The following CAMK2B variants were observed in gnomAD, a reference collection of about 807,000 sequenced individuals.
CAMK2B encodes the protein calcium/calmodulin dependent protein kinase II beta, also known as calcium/calmodulin-dependent protein kinase type II subunit beta.
In CAMK2B, 27 loss-of-function variants were observed where a neutral mutation model predicts 93.7. The ratio of observed to expected loss-of-function variants is 0.29; its 90% confidence interval spans 0.21 to 0.40. The LOEUF is 0.40. Ranked by LOEUF, CAMK2B falls within the 10% of genes least tolerant of loss-of-function variation. The pLI is 1.00. For synonymous variants in CAMK2B, 374 were observed against 358.8 expected, an observed-to-expected ratio of 1.04 and a Z score of -0.48; for missense variants, 568 against 895.8, an observed-to-expected ratio of 0.63 and a Z score of 4.67.
chr7:44,229,300 A>AGCC, intron 18 of CAMK2B, 88 bp downstream of exon 18: 3 of 853,892 alleles, frequency 3.5e-6, no homozygotes, highest in Non-Finnish European at 5.4e-6. Flanking sequence ...GTCCACGCTC[A>AGCC]GCCTGCCCTC....
intron 2 of CAMK2B, among the ~76,000 whole-genome samples, chr7:44,273,048 C>T (rs1027736052): frequency 6.6e-6 from 1 of 152,216 alleles, no homozygotes; most frequent in Non-Finnish European, 1.5e-5. Flanking sequence ...AGCTTCATGT[C>T]CCCCACCGGA....
chr7:44,226,544 CG>C lies in CAMK2B; in HGVS notation c.1568del (p.Pro523ArgfsTer43). ...GGGTGGGCAGGGGGCCAGGGATAGT[CG>C]GAGATGGGCAGGGCGGGGGCCCCAC... ...SPVGPPPCPS[P>X]TIPGPLPTPS... On this transcript the variant is annotated frameshift_variant, in exon 20 of 24. Transcript: ENST00000395749. LOFTEE classifies it high-confidence loss of function. 2 of 1,471,188 alleles carry C rather than the reference CG, an allele frequency of 1.4e-6. No homozygotes were observed. Among genetic ancestry groups the C allele is most frequent in the Non-Finnish European group, 1.8e-6 (2 of 1,115,036 alleles). The allele number at this position is 1,471,188 out of a possible 1,614,324, so 91.1% of individuals were successfully genotyped here. A position where few individuals can be genotyped will look rare whatever the true frequency, so the allele number is the denominator to read the frequency against.
intron 1 of CAMK2B, among the ~76,000 whole-genome samples, chr7:44,302,825 T>A (rs748186757): frequency 2.6e-5 from 4 of 152,208 alleles, no homozygotes; most frequent in Non-Finnish European, 5.9e-5. Flanking sequence ...AGAAACTGGA[T>A]ACTTTCCACT....
At chr7:44,268,099 C>T (rs888904983) in intron 2 of CAMK2B, 1 of 152,360 alleles carries the variant, frequency 6.6e-6, no homozygotes, top group Non-Finnish European at 1.5e-5. Flanking sequence ...CCAGCCGAGC[C>T]CTGCACAGCC....
chr7:44,234,475 G>A lies in CAMK2B; in HGVS notation c.1060-14C>T, dbSNP rs775928366. Reference sequence around the variant, plus strand: ...ATTCGTCTGGGGCTGTGGAGAGAGGGAAGAGGAACTCTTAGGTGGGAGAAG... The same window carrying A: ...ATTCGTCTGGGGCTGTGGAGAGAGGAAAGAGGAACTCTTAGGTGGGAGAAG... On this transcript the variant is annotated splice_polypyrimidine_tract_variant and intron_variant, in intron 14 of 23. Transcript: ENST00000395749. 27 of 1,574,872 alleles carry A rather than the reference G, an allele frequency of 1.7e-5. No individual in the cohort carries two copies. In the South Asian group the frequency reaches 2.8e-4, roughly 16 times the overall value.
At chr7:44,309,534 G>A (rs1360694263) in intron 1 of CAMK2B, among the ~76,000 whole-genome samples, 1 of 152,192 alleles carries the variant, frequency 6.6e-6, no homozygotes, top group East Asian at 1.9e-4. Context: ...TAAGCACAGG[G>A]CATGGGGAGG....
intron 1 of CAMK2B, among the ~76,000 whole-genome samples, chr7:44,300,441 T>C (rs967561032): frequency 1.5e-4 from 22 of 151,306 alleles, no homozygotes; most frequent in African/African-American, 5.1e-4. Flanking sequence ...TGATTACATG[T>C]GGGAGCCACT....
In CAMK2B at chr7:44,254,613, G is replaced by A; in HGVS notation, c.276-6C>T. On this transcript the variant is annotated splice_region_variant and splice_polypyrimidine_tract_variant and intron_variant, in intron 4 of 23. Transcript: ENST00000395749. ...AGAGCTCCCCACCAGTGACCCTATGGGAGAAGCATGAAGGGGTCACAGATT... is the reference window on the plus strand; with the variant it reads ...AGAGCTCCCCACCAGTGACCCTATGAGAGAAGCATGAAGGGGTCACAGATT... 1 of 1,608,730 alleles carries A rather than the reference G, an allele frequency of 6.2e-7. No homozygotes were observed. Among genetic ancestry groups the A allele is most frequent in the Non-Finnish European group, 8.5e-7 (1 of 1,176,796 alleles).
intron 1 of CAMK2B, chr7:44,325,024 G>C (rs1797134372): frequency 6.6e-6 from 1 of 151,146 alleles, no homozygotes; most frequent in South Asian, 2.1e-4. Context: ...CCTCCTCTCT[G>C]ACCTCCCCGC....
chr7:44,260,934 G>A (rs911392672), intron 3 of CAMK2B, among the ~76,000 whole-genome samples: 2 of 152,214 alleles, frequency 1.3e-5, no homozygotes, highest in African/African-American at 4.8e-5. Context: ...ACCCACCGGG[G>A]CTGTCTGTGA....
chr7:44,235,213 G>A (rs2096614572), intron 13 of CAMK2B, among the ~76,000 whole-genome samples: 1 of 152,250 alleles, frequency 6.6e-6, no homozygotes, highest in Admixed American at 6.5e-5. Flanking sequence ...TTGGCACCCA[G>A]GCCTCAGAGG....
At chr7:44,232,968 G>C (rs2096593642) in intron 15 of CAMK2B, 102 bp from the exon 16 acceptor site, 6 of 1,037,694 alleles carry the variant, frequency 5.8e-6, no homozygotes, top group Middle Eastern at 2.0e-4. Context: ...AGGAGGTGTG[G>C]GTGGCCAGAG....
At chr7:44,250,258 C>T (rs967316717) in intron 5 of CAMK2B, among the ~76,000 whole-genome samples, 1 of 152,218 alleles carries the variant, frequency 6.6e-6, no homozygotes, top group Admixed American at 6.5e-5. Context: ...AGACCACGGC[C>T]TTGGAGGATG....
At chr7:44,273,124 C>T (rs957661671) in intron 2 of CAMK2B, among the ~76,000 whole-genome samples, 4 of 152,208 alleles carry the variant, frequency 2.6e-5, no homozygotes, top group Non-Finnish European at 5.9e-5. Context: ...GGCACAGCTC[C>T]TGCTTATGCC....
rs755629399 is a variant in CAMK2B, at chr7:44,226,532, G to C, written c.1581C>G (p.Gly527=). The change falls in exon 20 of 24, where the codon GGC becomes GGG. Residue 527 remains glycine (G), a synonymous_variant. Transcript: ENST00000395749. ...PPPCPSPTIP[G]PLPTPSRKQE... ...GCTACTTACATGGGGTGGGCAGGGG[G>C]CCAGGGATAGTCGGAGATGGGCAGG... 42 of 1,461,386 alleles carry C rather than the reference G, an allele frequency of 2.9e-5. No individual in the cohort carries two copies. The highest frequency in any genetic ancestry group is 8.3e-5 in the Admixed American group (3 of 35,964). The allele number at this position is 1,461,386 out of a possible 1,614,324, so 90.5% of individuals were successfully genotyped here. A position where few individuals can be genotyped will look rare whatever the true frequency, so the allele number is the denominator to read the frequency against.
chr7:44,304,853 G>C (rs1563080230), intron 1 of CAMK2B, among the ~76,000 whole-genome samples: 1 of 152,054 alleles, frequency 6.6e-6, no homozygotes, highest in Non-Finnish European at 1.5e-5. Flanking sequence ...GGGAATATGG[G>C]AACTTTATAC....
chr7:44,254,517 G>A, intron 5 of CAMK2B, 25 bp downstream of exon 5: 1 of 1,574,512 alleles, frequency 6.4e-7, no homozygotes, highest in Non-Finnish European at 8.7e-7. Context: ...AGAGGGACAG[G>A]ACAGCGTGAG....
At chr7:44,268,691 G>A (rs780901591) in intron 2 of CAMK2B, 1 of 152,334 alleles carries the variant, frequency 6.6e-6, no homozygotes, top group African/African-American at 2.4e-5. Flanking sequence ...GGAGCTCTGA[G>A]GGATGGGGTA....
intron 8 of CAMK2B, 118 bp downstream of exon 8, chr7:44,243,132 G>GAC: frequency 1.3e-6 from 1 of 773,590 alleles, no homozygotes; most frequent in South Asian, 1.7e-5. Context: ...GGGCAGGTCT[G>GAC]ACACAGATAA....
Sources: allele counts gnomAD v4.1 joint callset (sites outside exome capture counted in the v4.1 genomes callset), GRCh38; gene constraint gnomAD v4.1.1; transcripts MANE v1.5; gene names NCBI Gene and HGNC (gene_info 2026-07-23, HGNC 2026-07-21).